Variants in NELL1 observed in about 807,000 individuals in gnomAD.
NELL1 encodes neural EGFL like 1, also known as protein kinase C-binding protein NELL1.
In NELL1, 76 loss-of-function variants were observed where a neutral mutation model predicts 107.4. The ratio of observed to expected loss-of-function variants is 0.71; its 90% confidence interval spans 0.59 to 0.86. The LOEUF is 0.86. Ranked by LOEUF, NELL1 falls within the 40% of genes least tolerant of loss-of-function variation. NELL1 has a pLI of 0.00. For synonymous variants in NELL1, 353 were observed against 341.2 expected, an observed-to-expected ratio of 1.03 and a Z score of -0.38; for missense variants, 1,024 against 1,005.5, an observed-to-expected ratio of 1.02 and a Z score of -0.25.
At chr11:20,873,737 G>C (rs1849247694) in intron 4 of NELL1, among the ~76,000 whole-genome samples, 1 of 149,152 alleles carries the variant, frequency 6.7e-6, no homozygotes, top group African/African-American at 2.5e-5. Flanking sequence ...GGCTGATGCT[G>C]TTTGTGTAAC....
chr11:21,356,847 C>G (rs968056969), intron 14 of NELL1, among the ~76,000 whole-genome samples: 2 of 152,096 alleles, frequency 1.3e-5, no homozygotes, highest in Non-Finnish European at 2.9e-5. Context: ...TTGTATTATT[C>G]TTAGGCCTTT....
intron 14 of NELL1, among the ~76,000 whole-genome samples, chr11:21,366,861 A>G (rs1851233909): frequency 6.6e-6 from 1 of 152,110 alleles, no homozygotes; most frequent in African/African-American, 2.4e-5. Context: ...AATATATGTC[A>G]ATAAACTTTA....
chr11:21,233,000 G>C (rs149473408), intron 14 of NELL1, among the ~76,000 whole-genome samples: 2 of 152,190 alleles, frequency 1.3e-5, no homozygotes, highest in African/African-American at 4.8e-5. Context: ...TTTCTAGGCA[G>C]ACATGGTATT....
At chr11:21,309,312 A>ATATGTATATATATATT (rs1446101037) in intron 14 of NELL1, among the ~76,000 whole-genome samples, 1 of 130,000 alleles carries the variant, frequency 7.7e-6, no homozygotes, top group Non-Finnish European at 1.6e-5. Flanking sequence ...ATATATATAT[A>ATATGTATATATATATT]ATATATATAT....
intron 14 of NELL1, among the ~76,000 whole-genome samples, chr11:21,323,900 A>G (rs542275209): frequency 9.9e-5 from 15 of 152,256 alleles, no homozygotes; most frequent in African/African-American, 3.6e-4. Flanking sequence ...GTTGAATGAT[A>G]TTAGGTGTTT....
At chr11:21,232,137 T>TAAA (rs764469809) in intron 14 of NELL1, among the ~76,000 whole-genome samples, 7,138 of 57,470 alleles carry the variant, frequency 0.12, 391 homozygotes, top group Non-Finnish European at 0.15. Flanking sequence ...CCATCTCTAC[T>TAAA]AAAAAAAAAT....
chr11:20,999,504 T>C (rs1226520976), intron 12 of NELL1, among the ~76,000 whole-genome samples: 1 of 152,206 alleles, frequency 6.6e-6, no homozygotes, highest in Non-Finnish European at 1.5e-5. Context: ...GAGACTCAAC[T>C]TATTCCTTAG....
At chr11:21,040,066 C>T (rs1288634713) in intron 12 of NELL1, among the ~76,000 whole-genome samples, 1 of 151,756 alleles carries the variant, frequency 6.6e-6, no homozygotes, top group East Asian at 1.9e-4. Context: ...TCTCACCAGC[C>T]TAAAATTATC....
At chr11:21,369,718 C>A (rs2133751428) in intron 14 of NELL1, among the ~76,000 whole-genome samples, 1 of 152,122 alleles carries the variant, frequency 6.6e-6, no homozygotes, top group Non-Finnish European at 1.5e-5. Context: ...GCTCACCTAT[C>A]TTTCTTGTGA....
At chr11:21,102,532 G>A (rs1854846938) in intron 12 of NELL1, among the ~76,000 whole-genome samples, 2 of 152,110 alleles carry the variant, frequency 1.3e-5, no homozygotes, top group South Asian at 4.1e-4. Flanking sequence ...GTAGACTTGG[G>A]ATGCTAAAAA....
At chr11:21,470,730 G>A (rs1319782056) in intron 15 of NELL1, among the ~76,000 whole-genome samples, 1 of 152,098 alleles carries the variant, frequency 6.6e-6, no homozygotes, top group East Asian at 1.9e-4. Context: ...ATCTAGCAGA[G>A]TAGAACCTCA....
chr11:21,104,476 C>T (rs1162123794), intron 12 of NELL1, among the ~76,000 whole-genome samples: 1 of 152,156 alleles, frequency 6.6e-6, no homozygotes, highest in Non-Finnish European at 1.5e-5. Context: ...ATAAAAATGA[C>T]TTAGCATGAA....
At chr11:20,836,238 T>C (rs2134043406) in intron 3 of NELL1, among the ~76,000 whole-genome samples, 1 of 147,924 alleles carries the variant, frequency 6.8e-6, no homozygotes, top group African/African-American at 2.5e-5. Flanking sequence ...AACAATGATA[T>C]ACCATTACAC....
chr11:21,267,801 A>G (rs1848663860), intron 14 of NELL1, among the ~76,000 whole-genome samples: 2 of 152,122 alleles, frequency 1.3e-5, no homozygotes, highest in Admixed American at 6.6e-5. Flanking sequence ...TAAGCCACCT[A>G]CTGGGCATCT....
chr11:21,130,812 T>C (rs920819827), intron 13 of NELL1, among the ~76,000 whole-genome samples: 2 of 152,168 alleles, frequency 1.3e-5, no homozygotes, highest in Non-Finnish European at 2.9e-5. Context: ...TTGAAATCCA[T>C]GGGCTTTGTT....
intron 14 of NELL1, among the ~76,000 whole-genome samples, chr11:21,324,605 C>T (rs1850087097): frequency 6.6e-6 from 1 of 151,972 alleles, no homozygotes; most frequent in Non-Finnish European, 1.5e-5. Context: ...CCTGTAGGTT[C>T]CAGGCAGTAT....
At chr11:20,709,805 G>T (rs961342361) in intron 2 of NELL1, among the ~76,000 whole-genome samples, 4 of 151,818 alleles carry the variant, frequency 2.6e-5, no homozygotes, top group African/African-American at 9.7e-5. Flanking sequence ...CTTATTTTTT[G>T]CAGCTGATGT....
intron 9 of NELL1, among the ~76,000 whole-genome samples, chr11:20,931,879 G>T (rs1171232846): frequency 7.0e-6 from 1 of 142,168 alleles, no homozygotes; most frequent in Non-Finnish European, 1.5e-5. Flanking sequence ...CTTTAGGTGG[G>T]GTAGTATTCT....
At chr11:21,360,156 T>TTGC (rs1422685199) in intron 14 of NELL1, among the ~76,000 whole-genome samples, 1 of 152,128 alleles carries the variant, frequency 6.6e-6, no homozygotes, top group African/African-American at 2.4e-5. Context: ...AGCATTGCTT[T>TTGC]TGCTGTATCC....
Sources: gnomAD v4.1 joint callset for allele counts (sites outside exome capture counted in the v4.1 genomes callset) on GRCh38, gnomAD v4.1.1 for gene constraint, MANE v1.5 for transcripts, NCBI Gene and HGNC (gene_info 2026-07-23, HGNC 2026-07-21) for gene names.